Variants in GREB1L observed in about 807,000 individuals in gnomAD.
The protein encoded by GREB1L is GREB1-like protein.
Under a neutral mutation model 200.8 loss-of-function variants are expected in GREB1L, and 17 were observed. The observed-to-expected ratio is 0.08, with a 90% CI of 0.06 to 0.13. The LOEUF is 0.13. Ranked by LOEUF, GREB1L falls within the 10% of genes least tolerant of loss-of-function variation. The probability of loss-of-function intolerance (pLI) is 1.00; values close to 1 mark genes in which losing one functional copy is unlikely to be tolerated. For missense variants in GREB1L, 1,657 were observed against 2,367.7 expected, an observed-to-expected ratio of 0.70 and a Z score of 6.23; for synonymous variants, 789 against 893.0, an observed-to-expected ratio of 0.88 and a Z score of 2.08.
intron 2 of GREB1L, among the ~76,000 whole-genome samples, chr18:21,372,020 G>A (rs1333243653): frequency 6.6e-6 from 1 of 152,092 alleles, no homozygotes; most frequent in Admixed American, 6.5e-5. Flanking sequence ...GGACTCCTGA[G>A]TCAATGTAAT....
chr18:21,358,605 G>A (rs369050100), intron 1 of GREB1L, among the ~76,000 whole-genome samples: 11 of 152,260 alleles, frequency 7.2e-5, no homozygotes, highest in African/African-American at 1.7e-4. Context: ...ATGAGCCACC[G>A]CGCCCAGCCT....
chr18:21,463,239 G>A (rs1424286089), intron 15 of GREB1L, among the ~76,000 whole-genome samples: 3 of 146,934 alleles, frequency 2.0e-5, no homozygotes, highest in East Asian at 2.1e-4. Flanking sequence ...TCCACCTCCC[G>A]GGTTCACACC....
At chr18:21,410,436 G>A (rs1426040130) in intron 7 of GREB1L, among the ~76,000 whole-genome samples, 1 of 151,864 alleles carries the variant, frequency 6.6e-6, no homozygotes, top group East Asian at 1.9e-4. Context: ...TGGGTAGGTC[G>A]CTTGAGCCCC....
At chr18:21,270,666 A>G (rs2038063880) in intron 1 of GREB1L, among the ~76,000 whole-genome samples, 1 of 152,220 alleles carries the variant, frequency 6.6e-6, no homozygotes, top group Non-Finnish European at 1.5e-5. Flanking sequence ...CTAAAATCCA[A>G]GGAGTCCACA....
chr18:21,318,444 C>A (rs2038905615), intron 1 of GREB1L, among the ~76,000 whole-genome samples: 1 of 152,070 alleles, frequency 6.6e-6, no homozygotes, highest in African/African-American at 2.4e-5. Context: ...TAATTCTTTT[C>A]ATTATGTGCC....
intron 1 of GREB1L, among the ~76,000 whole-genome samples, chr18:21,320,592 T>C (rs2144908199): frequency 6.6e-6 from 1 of 151,778 alleles, no homozygotes; most frequent in Admixed American, 6.6e-5. Context: ...TGAAACCCCG[T>C]CTCTAGTAAA....
chr18:21,374,660 G>A (rs1432973865), intron 2 of GREB1L, among the ~76,000 whole-genome samples: 1 of 152,026 alleles, frequency 6.6e-6, no homozygotes, highest in Non-Finnish European at 1.5e-5. Context: ...CTTTTAGCTT[G>A]TACATGATCT....
intron 1 of GREB1L, among the ~76,000 whole-genome samples, chr18:21,244,529 A>G (rs1407798536): frequency 2.0e-5 from 3 of 152,308 alleles, no homozygotes; most frequent in South Asian, 2.1e-4. Context: ...GAATTGAACT[A>G]TGTGATTTTT....
chr18:21,478,559 C>T (rs1232470922), intron 17 of GREB1L, among the ~76,000 whole-genome samples: 1 of 152,224 alleles, frequency 6.6e-6, no homozygotes, highest in Non-Finnish European at 1.5e-5. Flanking sequence ...ACTTGGCGCT[C>T]TTGTCTTCAA....
intron 22 of GREB1L, 59 bp downstream of exon 22, chr18:21,500,365 A>G: frequency 1.1e-6 from 1 of 876,538 alleles, no homozygotes; most frequent in South Asian, 1.5e-5. Context: ...CTTCCTCAAG[A>G]AGTAGAAGCC....
At chr18:21,299,437 C>T (rs2038582824) in intron 1 of GREB1L, among the ~76,000 whole-genome samples, 1 of 151,638 alleles carries the variant, frequency 6.6e-6, no homozygotes, top group African/African-American at 2.4e-5. Flanking sequence ...TATATAGACT[C>T]TTAGTAAATA....
intron 10 of GREB1L, among the ~76,000 whole-genome samples, chr18:21,441,865 A>T (rs944885780): frequency 1.3e-4 from 20 of 152,146 alleles, no homozygotes; most frequent in Non-Finnish European, 2.5e-4. Context: ...CACAACCAGG[A>T]GCAACCAGAA....
chr18:21,431,469 GT>G, intron 7 of GREB1L, among the ~76,000 whole-genome samples: 1 of 152,278 alleles, frequency 6.6e-6, no homozygotes, highest in African/African-American at 2.4e-5. Context: ...AGTCTCTTGA[GT>G]TTAGATAATG....
At chr18:21,496,762 G>C in intron 21 of GREB1L, 64 bp downstream of exon 21, 1 of 1,510,476 alleles carries the variant, frequency 6.6e-7, no homozygotes, top group Non-Finnish European at 8.9e-7. Context: ...GTAGGAATTT[G>C]GAAGGCAGAG....
Position 21,384,212 on chromosome 18 carries a change from A to T in GREB1L, c.164A>T (p.Lys55Ile). 1.3e-6 allele frequency: 2 copies of T among 1,548,572 alleles called. No individual in the cohort carries two copies. The highest frequency in any genetic ancestry group is 1.7e-6 in the Non-Finnish European group (2 of 1,144,394). The change falls in exon 4 of 33, where the codon AAA becomes ATA. Residue 55 changes from lysine to isoleucine, a missense_variant. Physicochemically the swap from Lys to Ile is moderately radical, Grantham distance 102 (BLOSUM62 -3). Transcript: ENST00000424526. The part of the protein sequence containing the change: ...DQHPFSSADV[K>I]PKVEDLDKDL... ...GATTTATTTGCTTACCCAGATGTCA[A>T]ACCCAAGGTGGAGGATCTGGACAAA...
At chr18:21,402,089 C>T (rs1350591838) in intron 6 of GREB1L, among the ~76,000 whole-genome samples, 7 of 152,086 alleles carry the variant, frequency 4.6e-5, no homozygotes, top group Non-Finnish European at 1.0e-4. Flanking sequence ...TTTGAAGTAG[C>T]ATTATATAGT....
At chr18:21,432,696 C>CTTT (rs1403274438) in intron 7 of GREB1L, among the ~76,000 whole-genome samples, 1 of 109,326 alleles carries the variant, frequency 9.1e-6, no homozygotes, top group Non-Finnish European at 1.8e-5. Flanking sequence ...TTAACATTTT[C>CTTT]TTTTTTTTCT....
intron 7 of GREB1L, among the ~76,000 whole-genome samples, chr18:21,418,497 ATTG>A (rs1000614918): frequency 2.0e-5 from 3 of 151,826 alleles, no homozygotes; most frequent in African/African-American, 7.2e-5. Flanking sequence ...TTTTATTTTT[ATTG>A]TTTTTTAAAA....
At chr18:21,244,693 A>G (rs997848330) in intron 1 of GREB1L, among the ~76,000 whole-genome samples, 6 of 152,200 alleles carry the variant, frequency 3.9e-5, no homozygotes, top group South Asian at 2.1e-4. Context: ...TGTTTAAACT[A>G]TATCCCTGCT....
Sources: gnomAD v4.1 joint callset for allele counts (sites outside exome capture counted in the v4.1 genomes callset) on GRCh38, gnomAD v4.1.1 for gene constraint, MANE v1.5 for transcripts, NCBI Gene and HGNC (gene_info 2026-07-23, HGNC 2026-07-21) for gene names.